Variants in PCM1 observed in about 807,000 individuals in gnomAD.
The protein encoded by PCM1 is pericentriolar material 1.
A neutral mutation model predicts 241.9 loss-of-function variants in PCM1; 157 were observed. The ratio of observed to expected loss-of-function variants is 0.65; its 90% CI spans 0.57 to 0.74. The LOEUF is 0.74. PCM1 is among the 30% of genes least tolerant of loss of function. The probability of loss-of-function intolerance (pLI) is 0.00; values close to 1 mark genes in which losing one functional copy is unlikely to be tolerated. For synonymous variants in PCM1, 1,085 were observed against 784.9 expected, an observed-to-expected ratio of 1.38 and a Z score of -6.39; for missense variants, 3,478 against 2,360.1, an observed-to-expected ratio of 1.47 and a Z score of -9.81.
At chr8:17,948,318 T>C (rs1217764414) in intron 7 of PCM1, among the ~76,000 whole-genome samples, 1 of 145,632 alleles carries the variant, frequency 6.9e-6, no homozygotes, top group Non-Finnish European at 1.5e-5. Context: ...TTTTTTTTTT[T>C]TTTGGAGACA....
intron 29 of PCM1, among the ~76,000 whole-genome samples, chr8:18,001,865 T>G (rs1009049681): frequency 6.6e-6 from 1 of 152,046 alleles, no homozygotes; most frequent in African/African-American, 2.4e-5. Flanking sequence ...ACTTTACAGC[T>G]GAGAGGAAAA....
At chr8:17,956,282 A>T (rs1223933340) in intron 10 of PCM1, among the ~76,000 whole-genome samples, 1 of 152,190 alleles carries the variant, frequency 6.6e-6, no homozygotes, top group Non-Finnish European at 1.5e-5. Flanking sequence ...CACTTTTGAT[A>T]CTTGAGAAAC....
In PCM1 at chr8:17,960,528, T is replaced by TTTTTG. The variant is rs2071252918; in HGVS notation, c.2322+88_2322+89insGTTTT. On this transcript the variant is annotated intron_variant, in intron 15 of 38. Coordinates refer to ENST00000325083, the MANE Select transcript of PCM1 (RefSeq NM_006197.4). ...CTGAAAGTACTCTTTTTTGTTTTTG[T>TTTTTG]TTTTCTTTTTTTTTGAGGCAGAGTC... 5 of 832,558 alleles carry TTTTTG rather than the reference T, an allele frequency of 6.0e-6. No homozygotes were observed. The East Asian group carries it at 8.8e-5, about 15-fold the overall frequency. The allele number at this position is 832,558 out of a possible 1,614,324, so 51.6% of individuals were successfully genotyped here.
At chr8:18,018,850 G>GTA (rs1266240810) in intron 36 of PCM1, among the ~76,000 whole-genome samples, 783 of 39,336 alleles carry the variant, frequency 0.02, 16 homozygotes, top group East Asian at 0.058. Context: ...GTGTGTGTGT[G>GTA]TGTATATATA....
At chr8:17,985,678 C>G in intron 25 of PCM1, 59 bp downstream of exon 25, 2 of 1,305,182 alleles carry the variant, frequency 1.5e-6, no homozygotes, top group Non-Finnish European at 2.2e-6. Flanking sequence ...ATGATTATCT[C>G]TGGTTGCTGT....
intron 1 of PCM1, among the ~76,000 whole-genome samples, 181 bp downstream of exon 1, chr8:17,923,369 C>T (rs537564903): frequency 3.1e-4 from 47 of 152,340 alleles, no homozygotes; most frequent in Non-Finnish European, 5.9e-4. Context: ...TCCGCCCGCT[C>T]CCTCAGGACT....
intron 30 of PCM1, among the ~76,000 whole-genome samples, chr8:18,008,566 G>A (rs922365124): frequency 5.3e-5 from 8 of 152,082 alleles, no homozygotes; most frequent in African/African-American, 1.9e-4. Context: ...AGAAAGGTTG[G>A]GGACTGCTAA....
At chr8:18,021,199 G>C (rs933254448) in intron 36 of PCM1, among the ~76,000 whole-genome samples, 2 of 152,172 alleles carry the variant, frequency 1.3e-5, no homozygotes, top group African/African-American at 4.8e-5. Context: ...CAGACAGCCA[G>C]CTGGTCCTTC....
intron 29 of PCM1, among the ~76,000 whole-genome samples, chr8:18,002,649 C>T (rs540332633): frequency 1.3e-5 from 1 of 75,098 alleles, no homozygotes; most frequent in East Asian, 2.8e-4. Context: ...GGAATCGCCA[C>T]ACTGACTTCC....
At chr8:17,955,173 A>G (rs2067685436) in intron 9 of PCM1, among the ~76,000 whole-genome samples, 1 of 152,118 alleles carries the variant, frequency 6.6e-6, no homozygotes, top group Non-Finnish European at 1.5e-5. Context: ...TAGTTTTCCA[A>G]GGTAGAATAT....
Position 17,964,585 on chromosome 8 carries a change from G to A in PCM1, c.2672G>A (p.Gly891Glu). The A allele has an allele frequency of 5.6e-6, 9 of 1,612,710 alleles. No homozygotes were observed. The highest frequency in any genetic ancestry group is 1.3e-5 in the African/African-American group (1 of 74,972). The stretch of plus-strand genomic sequence containing the variant: ...ATCACTAGAACGATGGCAACTTGGG[G>A]AGGGTCTACCCAGTGTGCACTAGAT... The part of the protein sequence containing the change: ...SRTEKTMATW[G>E]GSTQCALDEE... The change falls in exon 18 of 39, where the codon GGA becomes GAA. Residue 891 changes from glycine (G) to glutamate (E), a missense_variant. Coordinates refer to ENST00000325083, the MANE Select transcript of PCM1 (RefSeq NM_006197.4).
At position 18,014,697 on chromosome 8, in the gene PCM1, C is replaced by T; in HGVS notation, c.5698C>T (p.Gln1900Ter). The change falls in exon 36 of 39, where the codon CAG becomes TAG. Residue 1900 changes from glutamine (Q) to a stop codon, truncating the protein, a stop_gained. Transcript: ENST00000325083. LOFTEE classifies it high-confidence loss of function. Reference protein sequence around the residue: ...ESPPTVDSTQQPNPLPLRLPE... With the variant: ...ESPPTVDSTQ ...ACCTCCTACTGTTGATTCAACTCAA[C>T]AGCCTAACCCTTTGCCGTTACGTTT... 6.2e-7 allele frequency: 1 copy of T among 1,613,582 alleles called. No individual in the cohort carries two copies. The highest frequency in any genetic ancestry group is 2.2e-5 in the East Asian group (1 of 44,652).
intron 21 of PCM1, among the ~76,000 whole-genome samples, chr8:17,968,507 A>G (rs2075730810): frequency 6.6e-6 from 1 of 152,110 alleles, no homozygotes; most frequent in African/African-American, 2.4e-5. Flanking sequence ...GAGTAACTGA[A>G]AGACATTATA....
intron 23 of PCM1, chr8:17,980,117 A>AT (rs1281817224): frequency 6.6e-6 from 1 of 152,182 alleles, no homozygotes; most frequent in African/African-American, 2.4e-5. Flanking sequence ...AAACTTGAAA[A>AT]TTTTATAGAA....
intron 2 of PCM1, chr8:17,926,776 G>C (rs2057138395): frequency 6.6e-6 from 1 of 152,332 alleles, no homozygotes; most frequent in South Asian, 2.1e-4. Context: ...GGGGCTGGTA[G>C]TATTCAGGAA....
intron 2 of PCM1, chr8:17,928,041 C>T (rs988182099): frequency 6.6e-6 from 1 of 151,400 alleles, no homozygotes. Flanking sequence ...AGTAGAAGTG[C>T]GTGTTTAAAG....
In PCM1 at chr8:18,027,822, G is replaced by C. The variant is rs984279618; in HGVS notation, c.*160G>C. The C allele has an allele frequency of 2.3e-6, 1 of 435,748 alleles. No homozygotes were observed. The highest frequency in any genetic ancestry group is 4.1e-6 in the Non-Finnish European group (1 of 246,106). The allele number at this position is 435,748 out of a possible 1,614,324, so 27.0% of individuals were successfully genotyped here. A position where few individuals can be genotyped will look rare whatever the true frequency, so the allele number is the denominator to read the frequency against. ...CTCCCCATGGTAGTTTAAAACATCA[G>C]AAACTGAATTCTGGACAGATTTAAG... On this transcript the variant is annotated 3_prime_UTR_variant, in exon 39 of 39. Coordinates refer to ENST00000325083, the MANE Select transcript of PCM1 (RefSeq NM_006197.4).
rs1332730476 is a variant in PCM1 at position 17,947,184 on chromosome 8, A to C, written c.784-2A>C. 1 of 1,567,104 alleles carries C rather than the reference A, an allele frequency of 6.4e-7. No homozygotes were observed. Among genetic ancestry groups the C allele is most frequent in the Non-Finnish European group, 8.7e-7 (1 of 1,154,252 alleles). Reference sequence around the variant, plus strand: ...ACAAGTATTGTTGGTCTTATTTTCCAGGCCAGAGATCCTCAGCAGGAGCCT... The same window carrying C: ...ACAAGTATTGTTGGTCTTATTTTCCCGGCCAGAGATCCTCAGCAGGAGCCT... On this transcript the variant is annotated splice_acceptor_variant, in intron 6 of 38. Coordinates refer to ENST00000325083, the MANE Select transcript of PCM1 (RefSeq NM_006197.4). LOFTEE classifies it high-confidence loss of function.
chr8:17,937,269 A>G lies in PCM1; in HGVS notation c.232A>G (p.Lys78Glu). 1.2e-6 allele frequency: 2 copies of G among 1,611,464 alleles called. No individual in the cohort carries two copies. The highest frequency in any genetic ancestry group is 1.7e-6 in the Non-Finnish European group (2 of 1,178,282). The change falls in exon 4 of 39, where the codon AAG becomes GAG. Residue 78 changes from lysine (K) to glutamate (E), a missense_variant. Transcript: ENST00000325083. ...ACCAGGAGTTGGAAGGCGAAGAACAAAGACTCCACATACGTTCCCACACAG... is the reference window on the plus strand; with the variant it reads ...ACCAGGAGTTGGAAGGCGAAGAACAGAGACTCCACATACGTTCCCACACAG... Reference protein sequence around the residue: ...SSPGVGRRRTKTPHTFPHSRY... With the variant: ...SSPGVGRRRTETPHTFPHSRY...
Sources: allele counts gnomAD v4.1 joint callset (sites outside exome capture counted in the v4.1 genomes callset), GRCh38; gene constraint gnomAD v4.1.1; transcripts MANE v1.5; gene names NCBI Gene and HGNC (gene_info 2026-07-23, HGNC 2026-07-21).